The following STAB2 variants were observed in gnomAD, a reference collection of about 807,000 sequenced individuals.
STAB2 encodes stabilin 2, also known as stabilin-2.
A neutral mutation model predicts 338.1 loss-of-function variants in STAB2; 288 were observed. That is an observed-to-expected ratio of 0.85 (90% CI 0.77 to 0.94). The LOEUF is 0.94. Among genes scored for constraint, STAB2 ranks in the 40% least tolerant of loss-of-function variants. The probability of loss-of-function intolerance (pLI) is 0.00; values close to 1 mark genes in which losing one functional copy is unlikely to be tolerated. For missense variants in STAB2, 3,141 were observed against 3,210.1 expected (o/e 0.98, Z 0.52); for synonymous variants, 1,202 against 1,193.3 (o/e 1.01, Z -0.15).
intron 3 of STAB2, among the ~76,000 whole-genome samples, chr12:103,606,951 T>A (rs1334088678): frequency 6.6e-6 from 1 of 152,072 alleles, no homozygotes; most frequent in Admixed American, 6.5e-5. Flanking sequence ...GCGACTGCAC[T>A]CCAGCCTGGG....
Position 103,758,256 on chromosome 12 carries a change from T to C in STAB2, c.7074T>C (p.Phe2358=), listed in dbSNP as rs1593351019. The change falls in exon 64 of 69, where the codon TTT becomes TTC. Residue 2358 remains phenylalanine, a synonymous_variant. Coordinates refer to ENST00000388887, the MANE Select transcript of STAB2 (RefSeq NM_017564.10). ...LTDLSIRGTL[F]VPQNSGLGEN... is the part of the protein sequence containing the mutation. ...ACCTGTCCATCCGCGGCACCCTCTT[T>C]GTGCCACAGAACAGTGGGCTGGGGG... is the stretch of plus-strand genomic sequence containing the variant. 6.2e-7 allele frequency: 1 copy of C among 1,614,098 alleles called. No individual in the cohort carries two copies. Among genetic ancestry groups the C allele is most frequent in the East Asian group, 2.2e-5 (1 of 44,890 alleles).
chr12:103,654,514 A>T (rs767699303), intron 12 of STAB2, 41 bp from the exon 13 acceptor site: 1 of 1,596,934 alleles, frequency 6.3e-7, no homozygotes, highest in Admixed American at 1.7e-5. Flanking sequence ...TCCTTCCAGG[A>T]CACCATAGTA....
At chr12:103,632,687 TGCA>T (rs888479880) in intron 6 of STAB2, among the ~76,000 whole-genome samples, 5 of 152,170 alleles carry the variant, frequency 3.3e-5, no homozygotes, top group Admixed American at 6.5e-5. Context: ...GAACAGACCC[TGCA>T]GCAGCAGCAA....
intron 3 of STAB2, among the ~76,000 whole-genome samples, chr12:103,597,914 A>G (rs1182914511): frequency 6.6e-6 from 1 of 152,222 alleles, no homozygotes; most frequent in East Asian, 1.9e-4. Flanking sequence ...AAAAAGAAAT[A>G]GTCTTGATTT....
intron 30 of STAB2, among the ~76,000 whole-genome samples, chr12:103,691,083 C>A (rs985425529): frequency 6.6e-6 from 1 of 152,204 alleles, no homozygotes; most frequent in Non-Finnish European, 1.5e-5. Flanking sequence ...CAAGGAAGAA[C>A]CCAGCCCTAG....
intron 3 of STAB2, among the ~76,000 whole-genome samples, chr12:103,596,001 G>C (rs564873980): frequency 1.3e-5 from 2 of 152,306 alleles, no homozygotes; most frequent in African/African-American, 4.8e-5. Context: ...CTGTCTACTA[G>C]CTGCTCTATG....
Position 103,708,477 on chromosome 12 carries a change from C to T in STAB2, c.4229C>T (p.Pro1410Leu), listed in dbSNP as rs779106489. The T allele has an allele frequency of 1.2e-6, 2 of 1,614,014 alleles. No individual in the cohort carries two copies. The highest frequency in any genetic ancestry group is 3.3e-4 in the Middle Eastern group (2 of 6,062). The part of the protein sequence containing the change: ...SCVHGRCNQG[P>L]LGDGSCDCDV... Reference sequence around the variant, plus strand: ...GTCCATGGGAGATGCAACCAAGGACCCTTGGGAGATGGCTCCTGTGACTGT... The same window carrying T: ...GTCCATGGGAGATGCAACCAAGGACTCTTGGGAGATGGCTCCTGTGACTGT... The change falls in exon 39 of 69, where the codon CCC becomes CTC. Residue 1410 changes from proline (P) to leucine (L), a missense_variant. Pro to Leu is a moderately conservative substitution (Grantham distance 98, BLOSUM62 -3). Coordinates refer to ENST00000388887, the MANE Select transcript of STAB2 (RefSeq NM_017564.10).
intron 19 of STAB2, among the ~76,000 whole-genome samples, chr12:103,666,929 C>T (rs1593202408): frequency 1.3e-5 from 2 of 152,210 alleles, no homozygotes; most frequent in Non-Finnish European, 2.9e-5. Flanking sequence ...GAAATCATTT[C>T]ATTTTGCTTT....
At chr12:103,720,754 G>C (rs1880697702) in intron 44 of STAB2, among the ~76,000 whole-genome samples, 1 of 152,192 alleles carries the variant, frequency 6.6e-6, no homozygotes, top group Admixed American at 6.5e-5. Context: ...GGATACCTGA[G>C]ACTGGGTAGC....
At chr12:103,616,415 C>T (rs1238518328) in intron 3 of STAB2, among the ~76,000 whole-genome samples, 1 of 152,126 alleles carries the variant, frequency 6.6e-6, no homozygotes, top group Non-Finnish European at 1.5e-5. Context: ...TCTAGAAGAG[C>T]AGGGAATAGT....
intron 42 of STAB2, 73 bp from the exon 43 acceptor site, chr12:103,715,742 T>G (rs997740198): frequency 8.3e-6 from 13 of 1,558,892 alleles, no homozygotes; most frequent in Non-Finnish European, 1.1e-5. Flanking sequence ...CCATCTTAGC[T>G]CATCCCTCAA....
Position 103,712,402 on chromosome 12 carries a change from A to G in STAB2, c.4370A>G (p.Lys1457Arg), listed in dbSNP as rs1407642901. The G allele has an allele frequency of 6.2e-7, 1 of 1,614,112 alleles. No homozygotes were observed. The change falls in exon 41 of 69, where the codon AAG (lysine) becomes AGG (arginine). Residue 1457 changes from lysine (K) to arginine (R), a missense_variant. By Grantham distance (26) the Lys-to-Arg change is conservative. Transcript: ENST00000388887. ...AACTCAGATGGTACAGCTTCATGCA[A>G]GTGTGCAGCAGGATTCCAAGGAAAC... ...LTNSDGTASC[K>R]CAAGFQGNGT...
At chr12:103,698,121 T>A (rs572379230) in intron 33 of STAB2, among the ~76,000 whole-genome samples, 1 of 152,158 alleles carries the variant, frequency 6.6e-6, no homozygotes, top group South Asian at 2.1e-4. Flanking sequence ...AAGGACTGAG[T>A]TCCTCTTTCC....
intron 10 of STAB2, among the ~76,000 whole-genome samples, chr12:103,649,766 A>T (rs908725952): frequency 6.6e-6 from 1 of 152,144 alleles, no homozygotes; most frequent in Non-Finnish European, 1.5e-5. Context: ...CTCAGGGGCA[A>T]TCTACCAGTT....
rs186015382 is a variant in STAB2 at position 103,604,319 on chromosome 12, A to G, written c.331+9809A>G. ...GTACTCATTGGGGATGTTGGTGTAT[A>G]GTTTTCTTTTCTTGTTATGTATTTG... On this transcript the variant is annotated intron_variant, in intron 3 of 68. Transcript: ENST00000388887. 1.6e-3 allele frequency among the ~76,000 whole-genome samples: 244 copies of G among 152,120 alleles called. 1 individual carries two copies. Among genetic ancestry groups the G allele is most frequent in the Middle Eastern group, 0.01 (3 of 294 alleles).
rs140657467 is a variant in STAB2, at chr12:103,685,000, A to G, written c.2913A>G (p.Gln971=). Residue 971 remains glutamine (Q), a synonymous_variant, in exon 27 of 69, where the codon CAA becomes CAG. Transcript: ENST00000388887. ...TGKCHPLASC[Q]STSSGVWSCV... ...CTTGGTTTTCTCAGGCAAGCTGTCAATCTACTTCGTCTGGTGTCTGGAGCT... is the reference window on the plus strand; with the variant it reads ...CTTGGTTTTCTCAGGCAAGCTGTCAGTCTACTTCGTCTGGTGTCTGGAGCT... 27 of 1,613,894 alleles carry G rather than the reference A, an allele frequency of 1.7e-5. No individual in the cohort carries two copies. Among genetic ancestry groups the G allele is most frequent in the African/African-American group, 1.1e-4 (8 of 75,040 alleles).
At chr12:103,736,940 T>G (rs964006453) in intron 52 of STAB2, among the ~76,000 whole-genome samples, 2 of 152,182 alleles carry the variant, frequency 1.3e-5, no homozygotes, top group Non-Finnish European at 2.9e-5. Context: ...AAGGAAGCCC[T>G]GAGATTATTG....
chr12:103,654,648 C>T lies in STAB2; in HGVS notation c.1501C>T (p.Leu501Phe), dbSNP rs369622724. 1.9e-6 allele frequency: 3 copies of T among 1,614,152 alleles called. No individual in the cohort carries two copies. Among genetic ancestry groups the T allele is most frequent in the Non-Finnish European group, 2.5e-6 (3 of 1,179,994 alleles). Residue 501 changes from leucine to phenylalanine, a missense_variant, in exon 13 of 69, where the codon CTT (leucine) becomes TTT (phenylalanine). Coordinates refer to ENST00000388887, the MANE Select transcript of STAB2 (RefSeq NM_017564.10). ...TGCTTCCAATGGGCTTCTGCACATCCTTGACAGAGCCATGGACAAGTTAGA... is the reference window on the plus strand; with the variant it reads ...TGCTTCCAATGGGCTTCTGCACATCTTTGACAGAGCCATGGACAAGTTAGA... The part of the protein sequence containing the change: ...IIASNGLLHI[L>F]DRAMDKLEPT...
At chr12:103,655,962 C>T (rs1361384024) in intron 15 of STAB2, among the ~76,000 whole-genome samples, 1 of 152,180 alleles carries the variant, frequency 6.6e-6, no homozygotes, top group Non-Finnish European at 1.5e-5. Flanking sequence ...TAAACTAGGC[C>T]ATTCAGGGCC....
Sources: gnomAD v4.1 joint callset for allele counts (sites outside exome capture counted in the v4.1 genomes callset) on GRCh38, gnomAD v4.1.1 for gene constraint, MANE v1.5 for transcripts, NCBI Gene and HGNC (gene_info 2026-07-23, HGNC 2026-07-21) for gene names.